Variants in WFDC1 observed in about 807,000 individuals in gnomAD.
WFDC1 encodes WAP four-disulfide core domain protein 1.
In WFDC1, 39 loss-of-function variants were observed where a neutral mutation model predicts 32.9. The ratio of observed to expected loss-of-function variants is 1.19; its 90% CI spans 0.92 to 1.55. The LOEUF is 1.55. Ranked by LOEUF, WFDC1 falls within the 40% of genes most tolerant of loss-of-function variation. The probability of loss-of-function intolerance (pLI) is 0.00; values close to 1 mark genes in which losing one functional copy is unlikely to be tolerated. For synonymous variants in WFDC1, 184 were observed against 137.4 expected (o/e 1.34, Z -2.37); for missense variants, 386 against 309.5 (o/e 1.25, Z -1.85).
intron 1 of WFDC1, among the ~76,000 whole-genome samples, chr16:84,307,929 G>A (rs1437751328): frequency 1.3e-5 from 2 of 151,326 alleles, no homozygotes; most frequent in African/African-American, 4.9e-5. Flanking sequence ...GGAGAAAGGG[G>A]TGATAAAAGG....
At chr16:84,310,759 C>A (rs1189436540) in intron 1 of WFDC1, among the ~76,000 whole-genome samples, 2 of 152,196 alleles carry the variant, frequency 1.3e-5, no homozygotes, top group African/African-American at 4.8e-5. Context: ...CATGAGCCGC[C>A]ATATCCTGGC....
intron 1 of WFDC1, among the ~76,000 whole-genome samples, chr16:84,304,237 T>G (rs1394641078): frequency 6.6e-6 from 1 of 152,254 alleles, no homozygotes; most frequent in Non-Finnish European, 1.5e-5. Flanking sequence ...TTCATCTATA[T>G]GAACAAAAGG....
At chr16:84,303,004 C>T (rs994962985) in intron 1 of WFDC1, among the ~76,000 whole-genome samples, 22 of 149,182 alleles carry the variant, frequency 1.5e-4, no homozygotes, top group Non-Finnish European at 2.1e-4. Context: ...TTTGCCGTCT[C>T]GTGAATTTCT....
At chr16:84,325,162 T>C (rs951792916) in intron 5 of WFDC1, among the ~76,000 whole-genome samples, 2 of 151,404 alleles carry the variant, frequency 1.3e-5, no homozygotes, top group Non-Finnish European at 2.9e-5. Context: ...ATCCATCCAT[T>C]CATACATACA....
chr16:84,315,279 G>A (rs1363260121), intron 2 of WFDC1, among the ~76,000 whole-genome samples: 2 of 152,124 alleles, frequency 1.3e-5, no homozygotes, highest in Non-Finnish European at 2.9e-5. Context: ...GCCCCTCCTT[G>A]GCCATTTTTA....
intron 1 of WFDC1, among the ~76,000 whole-genome samples, chr16:84,300,957 AGAGT>A (rs901457398): frequency 1.3e-5 from 2 of 149,754 alleles, no homozygotes; most frequent in Non-Finnish European, 3.0e-5. Flanking sequence ...CCTGGGCGAC[AGAGT>A]GAGACTTCAT....
chr16:84,300,619 A>G (rs1597661642), intron 1 of WFDC1, among the ~76,000 whole-genome samples: 1 of 152,362 alleles, frequency 6.6e-6, no homozygotes, highest in East Asian at 1.9e-4. Context: ...AGTCAAAATA[A>G]GATGAAGTCA....
chr16:84,306,802 C>T (rs1907290100), intron 1 of WFDC1, among the ~76,000 whole-genome samples: 2 of 146,224 alleles, frequency 1.4e-5, no homozygotes, highest in South Asian at 4.2e-4. Context: ...AGCTTTTGTT[C>T]CACCCGAAGA....
In WFDC1 at chr16:84,297,857, C is replaced by T. The variant is rs534585924; in HGVS notation, c.144+2742C>T. Reference sequence around the variant, plus strand: ...GAACCTATGACTTTCATGGCCCTTTCGTTCGACAGGGACTTACGGATGATA... The same window carrying T: ...GAACCTATGACTTTCATGGCCCTTTTGTTCGACAGGGACTTACGGATGATA... On this transcript the variant is annotated intron_variant, in intron 1 of 6. Transcript: ENST00000219454. Among the ~76,000 whole-genome samples the T allele has an allele frequency of 9.9e-5, 15 of 152,228 alleles. 1 individual carries two copies. The highest frequency in any genetic ancestry group is 2.4e-4 in the African/African-American group (10 of 41,546).
intron 1 of WFDC1, among the ~76,000 whole-genome samples, chr16:84,299,914 T>C (rs55761290): frequency 0.043 from 6,556 of 152,222 alleles, 416 homozygotes; most frequent in African/African-American, 0.14. Context: ...AGCATTGCAT[T>C]GTCTATCTGG....
intron 1 of WFDC1, among the ~76,000 whole-genome samples, chr16:84,299,034 A>G (rs973340241): frequency 6.6e-6 from 1 of 152,132 alleles, no homozygotes; most frequent in African/African-American, 2.4e-5. Context: ...CATTCCCTAC[A>G]TGTGCACTAC....
intron 1 of WFDC1, among the ~76,000 whole-genome samples, chr16:84,307,703 C>T (rs1263250784): frequency 6.6e-6 from 1 of 152,204 alleles, no homozygotes; most frequent in African/African-American, 2.4e-5. Context: ...AAATAAGCCG[C>T]CCCCTCCCGA....
intron 1 of WFDC1, among the ~76,000 whole-genome samples, chr16:84,310,451 T>G (rs1406858223): frequency 6.6e-6 from 1 of 152,172 alleles, no homozygotes; most frequent in African/African-American, 2.4e-5. Context: ...AGGACTTGGA[T>G]GATGTGCCCT....
intron 1 of WFDC1, among the ~76,000 whole-genome samples, chr16:84,310,503 T>A (rs927803445): frequency 6.6e-6 from 1 of 152,074 alleles, no homozygotes; most frequent in African/African-American, 2.4e-5. Context: ...GAAGAATGTG[T>A]ACATGGTAAA....
chr16:84,301,280 G>C (rs1906917054), intron 1 of WFDC1, among the ~76,000 whole-genome samples: 1 of 152,184 alleles, frequency 6.6e-6, no homozygotes, highest in Non-Finnish European at 1.5e-5. Flanking sequence ...TTTTGTTGCA[G>C]CACCCTCGGA....
At chr16:84,307,014 T>A (rs1224824346) in intron 1 of WFDC1, among the ~76,000 whole-genome samples, 1 of 151,808 alleles carries the variant, frequency 6.6e-6, no homozygotes, top group Non-Finnish European at 1.5e-5. Flanking sequence ...TATGAGCAGA[T>A]CCCAGGTAGG....
rs1461867205 is a variant in WFDC1, at chr16:84,320,103, A to G, written c.562+532A>G. Among the ~76,000 whole-genome samples the G allele has an allele frequency of 2.0e-5, 3 of 152,216 alleles. 1 individual carries two copies. The highest frequency in any genetic ancestry group is 4.4e-5 in the Non-Finnish European group (3 of 68,040). On this transcript the variant is annotated intron_variant, in intron 4 of 6. Coordinates refer to ENST00000219454, the MANE Select transcript of WFDC1 (RefSeq NM_021197.4). ...TGTAGAAACTGTACTTCAAGTTCCC[A>G]TCCAACCATTCTGTTTTTCACTTTC...
intron 5 of WFDC1, chr16:84,326,201 C>T (rs1041652187): frequency 6.6e-5 from 10 of 152,106 alleles, no homozygotes; most frequent in African/African-American, 2.4e-4. Flanking sequence ...ATCATTTATC[C>T]ATTCACCCAT....
intron 1 of WFDC1, among the ~76,000 whole-genome samples, chr16:84,312,686 T>TG (rs1907703213): frequency 6.6e-6 from 1 of 152,162 alleles, no homozygotes; most frequent in South Asian, 2.1e-4. Context: ...GGGTAGATAC[T>TG]TAAGTAATTG....
Sources: allele counts gnomAD v4.1 joint callset (sites outside exome capture counted in the v4.1 genomes callset), GRCh38; gene constraint gnomAD v4.1.1; transcripts MANE v1.5; gene names NCBI Gene and HGNC (gene_info 2026-07-23, HGNC 2026-07-21).